The following CTNND2 variants were observed in gnomAD, a reference collection of about 807,000 sequenced individuals.
CTNND2 encodes the protein catenin delta 2, also known as catenin delta-2.
In CTNND2, 22 loss-of-function variants were observed where a neutral mutation model predicts 144.4. The observed-to-expected ratio is 0.15, with a 90% CI of 0.11 to 0.22. The LOEUF (loss-of-function observed/expected upper bound fraction) is 0.22. Among genes scored for constraint, CTNND2 ranks in the 10% least tolerant of loss-of-function variants. The pLI, the probability that CTNND2 is intolerant of heterozygous loss-of-function variation, is 1.00. For synonymous variants in CTNND2, 751 were observed against 695.6 expected (o/e 1.08, Z -1.25); for missense variants, 1,353 against 1,618.8 (o/e 0.84, Z 2.82).
intron 2 of CTNND2, among the ~76,000 whole-genome samples, chr5:11,682,185 TCA>T (rs1190412753): frequency 6.6e-6 from 1 of 152,258 alleles, no homozygotes; most frequent in Admixed American, 6.5e-5. Context: ...GTTTAACGTA[TCA>T]CAGTTTCATA....
chr5:11,148,540 T>C lies in CTNND2; in HGVS notation c.2159+11036A>G, dbSNP rs112503407. Among the ~76,000 whole-genome samples, 545 of 152,314 alleles carry C rather than the reference T, an allele frequency of 3.6e-3. 1 individual carries two copies. Among genetic ancestry groups the C allele is most frequent in the African/African-American group, 8.3e-3 (344 of 41,572 alleles). ...GTCTTCACCTGAATTAAAGTCTTCA[T>C]AGCTCAGTAAGTTTTAAAGACAGTG... is the stretch of plus-strand genomic sequence containing the variant. On this transcript the variant is annotated intron_variant, in intron 12 of 21. Coordinates refer to ENST00000304623, the MANE Select transcript of CTNND2 (RefSeq NM_001332.4).
At chr5:11,889,917 T>A (rs1431442528) in intron 1 of CTNND2, among the ~76,000 whole-genome samples, 3 of 152,202 alleles carry the variant, frequency 2.0e-5, no homozygotes, top group Non-Finnish European at 4.4e-5. Flanking sequence ...TTTTATAGTC[T>A]TTTAAAATAT....
At chr5:11,007,291 A>C (rs1442325376) in intron 18 of CTNND2, among the ~76,000 whole-genome samples, 1 of 152,194 alleles carries the variant, frequency 6.6e-6, no homozygotes, top group Non-Finnish European at 1.5e-5. Context: ...CATAGAGAAA[A>C]ACCCAATTGC....
chr5:11,292,607 C>A (rs1160271708), intron 9 of CTNND2, among the ~76,000 whole-genome samples: 1 of 152,180 alleles, frequency 6.6e-6, no homozygotes, highest in Non-Finnish European at 1.5e-5. Flanking sequence ...CTCTTGCCTG[C>A]CGCCATGTAA....
chr5:11,882,935 A>G (rs1282104787), intron 1 of CTNND2, among the ~76,000 whole-genome samples: 1 of 152,146 alleles, frequency 6.6e-6, no homozygotes, highest in Non-Finnish European at 1.5e-5. Flanking sequence ...AATTATTCCA[A>G]TCCATGAACA....
In CTNND2 at chr5:11,616,630, T is replaced by C. The variant is rs561067865; in HGVS notation, c.175-51574A>G. ...CCTTCCTTCCTTCTTTTTTTTTTGA[T>C]GTAGTCTCATTCTGTCATCCAGGCT... On this transcript the variant is annotated intron_variant, in intron 2 of 21. Transcript: ENST00000304623. 2.0e-5 allele frequency among the ~76,000 whole-genome samples: 3 copies of C among 150,822 alleles called. No individual in the cohort carries two copies. The East Asian group carries it at 5.8e-4, about 29-fold the overall frequency.
chr5:11,817,610 G>A (rs796662339), intron 1 of CTNND2, among the ~76,000 whole-genome samples: 8 of 152,140 alleles, frequency 5.3e-5, no homozygotes, highest in African/African-American at 1.9e-4. Flanking sequence ...AGCTGTGGTG[G>A]AAATTCTGAA....
Position 11,903,955 on chromosome 5 carries a change from C to T in CTNND2, c.-102G>A. On this transcript the variant is annotated 5_prime_UTR_variant, in exon 1 of 22. Transcript: ENST00000304623. The surrounding 1 kb of genome is among the most constrained non-coding windows in gnomAD (Gnocchi z 5.4). ...GACCTTGCCCAACTGCAGCATCTTC[C>T]GCTTTTGTTGTCTGAGCGCGGCCGC... 7.9e-7 allele frequency: 1 copy of T among 1,262,198 alleles called. No individual in the cohort carries two copies. The highest frequency in any genetic ancestry group is 1.0e-6 in the Non-Finnish European group (1 of 993,210). The allele number at this position is 1,262,198 out of a possible 1,614,324, so 78.2% of individuals were successfully genotyped here.
chr5:11,321,211 C>G (rs888848125), intron 9 of CTNND2, among the ~76,000 whole-genome samples: 1 of 152,140 alleles, frequency 6.6e-6, no homozygotes, highest in Non-Finnish European at 1.5e-5. Context: ...ATGTTTTATA[C>G]AACAGTGAGT....
intron 9 of CTNND2, among the ~76,000 whole-genome samples, chr5:11,244,409 T>C (rs1424999133): frequency 6.6e-6 from 1 of 150,918 alleles, no homozygotes; most frequent in Non-Finnish European, 1.5e-5. Context: ...CTCAGCCTCC[T>C]GAGTAGCTTG....
chr5:11,235,943 T>C (rs1280614167), intron 10 of CTNND2, among the ~76,000 whole-genome samples: 9 of 152,210 alleles, frequency 5.9e-5, no homozygotes, highest in Non-Finnish European at 1.0e-4. Context: ...TAAAGATGAC[T>C]CGTTATAGTT....
At chr5:11,508,889 C>G (rs533644538) in intron 3 of CTNND2, among the ~76,000 whole-genome samples, 1 of 148,646 alleles carries the variant, frequency 6.7e-6, no homozygotes, top group African/African-American at 2.5e-5. Context: ...CCAGCCTGGG[C>G]AATAGAGTGA....
intron 3 of CTNND2, among the ~76,000 whole-genome samples, chr5:11,492,505 A>ATGTGTGTGTGTG (rs33995105): frequency 7.1e-6 from 1 of 140,358 alleles, no homozygotes; most frequent in Non-Finnish European, 1.5e-5. Context: ...ATATATATAT[A>ATGTGTGTGTGTG]TGTGTGTGTG....
chr5:11,416,557 T>C (rs915301197), intron 3 of CTNND2, among the ~76,000 whole-genome samples: 2 of 152,214 alleles, frequency 1.3e-5, no homozygotes, highest in African/African-American at 4.8e-5. Context: ...CTATTTTATG[T>C]ATTTGATTCC....
intron 3 of CTNND2, among the ~76,000 whole-genome samples, chr5:11,445,650 A>G (rs1006611113): frequency 3.9e-5 from 6 of 152,224 alleles, no homozygotes; most frequent in Non-Finnish European, 7.4e-5. Flanking sequence ...ACCAGCAGAA[A>G]AAACGTACCC....
intron 1 of CTNND2, among the ~76,000 whole-genome samples, chr5:11,820,440 T>C (rs573713431): frequency 1.3e-5 from 2 of 152,302 alleles, no homozygotes; most frequent in South Asian, 4.1e-4. Flanking sequence ...GAAAATAGTA[T>C]CCATATTGCA....
At chr5:11,185,650 A>C (rs1164984462) in intron 11 of CTNND2, among the ~76,000 whole-genome samples, 1 of 152,182 alleles carries the variant, frequency 6.6e-6, no homozygotes, top group Non-Finnish European at 1.5e-5. Context: ...TGCATGTGCA[A>C]AACTGAAGCT....
At chr5:11,164,555 G>A (rs1289423451) in intron 11 of CTNND2, among the ~76,000 whole-genome samples, 1 of 152,226 alleles carries the variant, frequency 6.6e-6, no homozygotes, top group Non-Finnish European at 1.5e-5. Flanking sequence ...CTGTGCTGGT[G>A]GGCCAGGTAC....
intron 11 of CTNND2, among the ~76,000 whole-genome samples, chr5:11,170,988 T>TG (rs760742209): frequency 1.2e-4 from 18 of 152,216 alleles, no homozygotes; most frequent in Non-Finnish European, 2.1e-4. Context: ...GAGAACAGTA[T>TG]GGGAAAAACC....
Sources: allele counts gnomAD v4.1 joint callset (sites outside exome capture counted in the v4.1 genomes callset), GRCh38; gene constraint gnomAD v4.1.1; non-coding constraint Gnocchi (gnomAD v3.1); transcripts MANE v1.5; gene names NCBI Gene and HGNC (gene_info 2026-07-23, HGNC 2026-07-21).